The following PRKG1 variants were observed in gnomAD, a reference collection of about 807,000 sequenced individuals.
PRKG1 encodes the protein protein kinase cGMP-dependent 1, also known as cGMP-dependent protein kinase 1.
In PRKG1, 35 loss-of-function variants were observed where a neutral mutation model predicts 88.1. The ratio of observed to expected loss-of-function variants is 0.40; its 90% CI spans 0.30 to 0.53. The LOEUF (loss-of-function observed/expected upper bound fraction) is 0.53. PRKG1 is among the 20% of genes least tolerant of loss of function. The pLI, the probability that PRKG1 is intolerant of heterozygous loss-of-function variation, is 0.59. For missense variants in PRKG1, 540 were observed against 839.8 expected (o/e 0.64, Z 4.41); for synonymous variants, 303 against 292.5 (o/e 1.04, Z -0.37).
At chr10:51,986,544 G>T (rs756600678) in intron 5 of PRKG1, among the ~76,000 whole-genome samples, 1 of 152,192 alleles carries the variant, frequency 6.6e-6, no homozygotes, top group Non-Finnish European at 1.5e-5. Flanking sequence ...TTTCTATATG[G>T]TTTAAACCAG....
intron 7 of PRKG1, among the ~76,000 whole-genome samples, chr10:52,064,058 C>A (rs888004614): frequency 5.3e-5 from 8 of 152,180 alleles, no homozygotes; most frequent in African/African-American, 1.9e-4. Flanking sequence ...AGCCTTCAGG[C>A]CCTCCCTGGT....
chr10:51,553,961 T>C lies in PRKG1; in HGVS notation c.592+86125T>C, dbSNP rs559904833. ...TAGATACGTGTATATAATATATGTA[T>C]GTATTAGATACGTGCATATTATATA... is the stretch of plus-strand genomic sequence containing the variant. On this transcript the variant is annotated intron_variant, in intron 3 of 17. Coordinates refer to ENST00000373980, the MANE Select transcript of PRKG1 (RefSeq NM_006258.4). Among the ~76,000 whole-genome samples, 9 of 133,578 alleles carry C rather than the reference T, an allele frequency of 6.7e-5. 1 individual carries two copies. Among genetic ancestry groups the C allele is most frequent in the Non-Finnish European group, 1.3e-4 (8 of 62,222 alleles). 87.6% of individuals were successfully genotyped at this position (133,578 alleles called of 152,430 possible).
rs148683110 is a variant in PRKG1 at position 51,932,392 on chromosome 10, G to A, written c.762+24822G>A. On this transcript the variant is annotated intron_variant, in intron 5 of 17. Coordinates refer to ENST00000373980, the MANE Select transcript of PRKG1 (RefSeq NM_006258.4). ...TTTATTAAATTATCTTTATATGTTA[G>A]TCATGAGGGCTTTATTTAGTTTCAC... Among the ~76,000 whole-genome samples, 99 of 152,170 alleles carry A rather than the reference G, an allele frequency of 6.5e-4. 1 individual carries two copies. The highest frequency in any genetic ancestry group is 3.4e-3 in the Middle Eastern group (1 of 292).
intron 9 of PRKG1, among the ~76,000 whole-genome samples, chr10:52,172,626 A>G (rs1158615852): frequency 6.6e-6 from 1 of 152,204 alleles, no homozygotes; most frequent in Non-Finnish European, 1.5e-5. Context: ...AATTATCTCT[A>G]TCTACAATTC....
At chr10:51,198,260 G>A (rs779531654) in intron 2 of PRKG1, among the ~76,000 whole-genome samples, 21 of 151,772 alleles carry the variant, frequency 1.4e-4, no homozygotes, top group African/African-American at 2.2e-4. Context: ...CCTTTTTTCC[G>A]CATGATAATA....
chr10:51,305,729 T>A (rs952470971), intron 2 of PRKG1, among the ~76,000 whole-genome samples: 1 of 152,192 alleles, frequency 6.6e-6, no homozygotes, highest in African/African-American at 2.4e-5. Flanking sequence ...CTGGAGCAAT[T>A]GTTTTGACTG....
At chr10:52,111,393 T>C (rs560447013) in intron 7 of PRKG1, among the ~76,000 whole-genome samples, 57 of 152,356 alleles carry the variant, frequency 3.7e-4, no homozygotes, top group African/African-American at 1.3e-3. Flanking sequence ...ACAGCCTTTG[T>C]TGACATTTTT....
At chr10:51,535,062 TA>T (rs765374052) in intron 3 of PRKG1, among the ~76,000 whole-genome samples, 7 of 152,182 alleles carry the variant, frequency 4.6e-5, no homozygotes, top group Middle Eastern at 3.2e-3. Flanking sequence ...TGGGAAAGGA[TA>T]GGGGTACTTT....
At chr10:51,169,865 C>T (rs1846653902) in intron 2 of PRKG1, among the ~76,000 whole-genome samples, 2 of 152,032 alleles carry the variant, frequency 1.3e-5, no homozygotes, top group Non-Finnish European at 2.9e-5. Flanking sequence ...TGGCCGTTAC[C>T]CATTGATCTG....
chr10:51,801,911 A>C (rs1839184215), intron 3 of PRKG1, among the ~76,000 whole-genome samples: 1 of 152,198 alleles, frequency 6.6e-6, no homozygotes, highest in Admixed American at 6.6e-5. Context: ...ATACTTGAAC[A>C]AAAAGGAAAA....
intron 4 of PRKG1, among the ~76,000 whole-genome samples, chr10:51,883,773 T>A (rs745420718): frequency 2.2e-4 from 34 of 152,210 alleles, no homozygotes; most frequent in Non-Finnish European, 5.9e-5. Context: ...ATAATAAATG[T>A]ACTTTAAAAA....
rs571708863 is a variant in PRKG1 at position 51,698,827 on chromosome 10, ATGC to A, written c.593-105755_593-105753del. The A allele has an allele frequency of 2.8e-4, 448 of 1,614,162 alleles. No individual in the cohort carries two copies. The African/African-American group carries it at 5.3e-3, about 19-fold the overall frequency. On this transcript the variant is annotated intron_variant, in intron 3 of 17. Transcript: ENST00000373980. ...TGTCCTTCACAGGTCTTCTAGCCAA[ATGC>A]TGAGGCTGAGGAGCTGGAGGATTCT...
chr10:51,711,213 C>T (rs928084496), intron 3 of PRKG1, among the ~76,000 whole-genome samples: 5 of 152,130 alleles, frequency 3.3e-5, no homozygotes, highest in African/African-American at 1.2e-4. Context: ...TCATGCCATT[C>T]TCCTGTCTCA....
intron 5 of PRKG1, among the ~76,000 whole-genome samples, chr10:52,027,244 AC>A (rs1334526767): frequency 6.6e-6 from 1 of 152,174 alleles, no homozygotes; most frequent in Admixed American, 6.5e-5. Context: ...GATAGCGACA[AC>A]AGCAACCACA....
intron 5 of PRKG1, among the ~76,000 whole-genome samples, chr10:52,038,030 A>G (rs1342122691): frequency 1.3e-5 from 2 of 152,186 alleles, no homozygotes; most frequent in African/African-American, 4.8e-5. Context: ...ATTTTACGAC[A>G]AGAATTACTT....
intron 1 of PRKG1, among the ~76,000 whole-genome samples, chr10:51,050,760 C>T (rs1843550692): frequency 6.6e-6 from 1 of 152,074 alleles, no homozygotes; most frequent in South Asian, 2.1e-4. Context: ...AGTGGCTGCA[C>T]CAGTTTACAT....
intron 3 of PRKG1, among the ~76,000 whole-genome samples, chr10:51,481,719 T>C (rs1212147960): frequency 2.1e-5 from 3 of 145,558 alleles, no homozygotes; most frequent in East Asian, 4.3e-4. Flanking sequence ...TGGAACTCAC[T>C]AGTAATTGTA....
chr10:51,214,623 G>A (rs1356302013), intron 2 of PRKG1, among the ~76,000 whole-genome samples: 7 of 151,856 alleles, frequency 4.6e-5, no homozygotes, highest in Non-Finnish European at 1.0e-4. Context: ...GGCCAGAGTC[G>A]CTTGCCACAC....
At chr10:52,113,545 G>A (rs966532547) in intron 7 of PRKG1, among the ~76,000 whole-genome samples, 5 of 152,086 alleles carry the variant, frequency 3.3e-5, no homozygotes, top group Non-Finnish European at 5.9e-5. Context: ...CAATCTTGGG[G>A]TAGATTGAAG....
Sources: gnomAD v4.1 joint callset for allele counts (sites outside exome capture counted in the v4.1 genomes callset) on GRCh38, gnomAD v4.1.1 for gene constraint, MANE v1.5 for transcripts, NCBI Gene and HGNC (gene_info 2026-07-23, HGNC 2026-07-21) for gene names.